SNAP91: variants seen among roughly 807,000 people sequenced by gnomAD.
SNAP91 encodes the protein synaptosome associated protein 91.
Under a neutral mutation model 100.3 loss-of-function variants are expected in SNAP91, and 27 were observed. That is an observed-to-expected ratio of 0.27 (90% confidence interval 0.20 to 0.37). The LOEUF (loss-of-function observed/expected upper bound fraction) is 0.37, where lower values mean the gene tolerates loss of function less well. Ranked by LOEUF, SNAP91 falls within the 10% of genes least tolerant of loss-of-function variation. SNAP91 has a pLI of 1.00. For missense variants in SNAP91, 986 were observed against 1,123.7 expected, an observed-to-expected ratio of 0.88 and a Z score of 1.75; for synonymous variants, 404 against 398.6, an observed-to-expected ratio of 1.01 and a Z score of -0.16.
chr6:83,642,916 T>G (rs541109186), intron 7 of SNAP91, among the ~76,000 whole-genome samples: 1 of 152,374 alleles, frequency 6.6e-6, no homozygotes, highest in African/African-American at 2.4e-5. Flanking sequence ...ATTGTGGTTT[T>G]GATTTGCATT....
chr6:83,561,748 G>A (rs1399476300), intron 26 of SNAP91, among the ~76,000 whole-genome samples: 4 of 152,204 alleles, frequency 2.6e-5, no homozygotes, highest in East Asian at 1.9e-4. Context: ...GCTCATGCCT[G>A]TAATCCCAGC....
chr6:83,591,070 A>G (rs891205349), intron 22 of SNAP91, 141 bp downstream of exon 22: 12 of 609,084 alleles, frequency 2.0e-5, no homozygotes, highest in Non-Finnish European at 3.5e-5. Flanking sequence ...TCAGTTTTTC[A>G]ATACTTGTCC....
intron 2 of SNAP91, among the ~76,000 whole-genome samples, chr6:83,676,137 A>C (rs1271423240): frequency 6.6e-6 from 1 of 151,852 alleles, no homozygotes; most frequent in Non-Finnish European, 1.5e-5. Context: ...AATGTGACAT[A>C]CTTTGTTGAT....
intron 7 of SNAP91, among the ~76,000 whole-genome samples, chr6:83,651,466 T>C (rs2098201245): frequency 6.6e-6 from 1 of 152,200 alleles, no homozygotes; most frequent in Non-Finnish European, 1.5e-5. Flanking sequence ...TAGTTCAAAA[T>C]ATTCTTACAT....
In SNAP91 at chr6:83,585,289, A is replaced by G. The variant is rs998578604; in HGVS notation, c.2015-2933T>C. Among the ~76,000 whole-genome samples, 6 of 152,282 alleles carry G rather than the reference A, an allele frequency of 3.9e-5. No homozygotes were observed. In the East Asian group the frequency reaches 1.2e-3, roughly 29 times the overall value. ...TTGGGGAGGCTGTGGCAGAAGGATC[A>G]CTTGAAGCCAGGAGTTTGAGACCAG... On this transcript the variant is annotated intron_variant, in intron 22 of 29. Transcript: ENST00000369694.
chr6:83,665,794 T>C (rs1394449502), intron 2 of SNAP91, among the ~76,000 whole-genome samples: 2 of 152,122 alleles, frequency 1.3e-5, no homozygotes, highest in Non-Finnish European at 2.9e-5. Context: ...TTCTTGAGTA[T>C]ATTTTGCTAC....
intron 26 of SNAP91, among the ~76,000 whole-genome samples, chr6:83,567,501 G>C (rs529665435): frequency 2.0e-4 from 31 of 152,252 alleles, no homozygotes; most frequent in South Asian, 4.1e-4. Flanking sequence ...ATTGACAAAT[G>C]GGATCAATGA....
At chr6:83,691,025 GC>G (rs2128987420) in intron 2 of SNAP91, among the ~76,000 whole-genome samples, 1 of 152,078 alleles carries the variant, frequency 6.6e-6, no homozygotes, top group Admixed American at 6.5e-5. Context: ...GTAGACATTT[GC>G]CCTTTTCACA....
At chr6:83,567,139 T>C (rs887925382) in intron 26 of SNAP91, among the ~76,000 whole-genome samples, 4 of 152,178 alleles carry the variant, frequency 2.6e-5, no homozygotes, top group African/African-American at 9.7e-5. Context: ...GGCCTCACTA[T>C]GCTGCCCAGG....
intron 16 of SNAP91, among the ~76,000 whole-genome samples, chr6:83,595,955 C>G (rs1250293259): frequency 6.6e-6 from 1 of 152,194 alleles, no homozygotes; most frequent in Non-Finnish European, 1.5e-5. Context: ...TACCAAATCA[C>G]AAATATCCCT....
chr6:83,689,329 T>A (rs2099102802), intron 2 of SNAP91, among the ~76,000 whole-genome samples: 1 of 152,190 alleles, frequency 6.6e-6, no homozygotes. Context: ...CAAACTGTCA[T>A]CCAATTAATC....
At chr6:83,564,831 G>A (rs1290386424) in intron 26 of SNAP91, among the ~76,000 whole-genome samples, 7 of 151,820 alleles carry the variant, frequency 4.6e-5, no homozygotes, top group Non-Finnish European at 1.0e-4. Context: ...AAAATTTCAA[G>A]ACCTATGATT....
chr6:83,641,329 A>G (rs187417087), intron 7 of SNAP91, 127 bp from the exon 8 acceptor site: 8 of 504,278 alleles, frequency 1.6e-5, no homozygotes, highest in Admixed American at 4.2e-5. Flanking sequence ...AGTAAAACTT[A>G]TATGAGGTAT....
chr6:83,620,561 G>C (rs2096672283), intron 9 of SNAP91, among the ~76,000 whole-genome samples: 1 of 151,150 alleles, frequency 6.6e-6, no homozygotes, highest in Non-Finnish European at 1.5e-5. Flanking sequence ...ACTTCCATTA[G>C]ACCTGCCGAG....
At chr6:83,610,391 T>A (rs1275483469) in intron 12 of SNAP91, among the ~76,000 whole-genome samples, 5 of 151,536 alleles carry the variant, frequency 3.3e-5, no homozygotes, top group Non-Finnish European at 7.4e-5. Flanking sequence ...ATATATGAGG[T>A]TCCTAGGGTA....
intron 6 of SNAP91, among the ~76,000 whole-genome samples, chr6:83,657,564 T>C (rs1410688601): frequency 6.6e-6 from 1 of 152,216 alleles, no homozygotes; most frequent in Non-Finnish European, 1.5e-5. Context: ...GGTTTGCTGC[T>C]TTTATGAAAT....
At chr6:83,565,805 A>C (rs1445846064) in intron 26 of SNAP91, among the ~76,000 whole-genome samples, 2 of 152,190 alleles carry the variant, frequency 1.3e-5, no homozygotes, top group Non-Finnish European at 2.9e-5. Flanking sequence ...TAATGAAATG[A>C]AAAATAACAA....
intron 2 of SNAP91, among the ~76,000 whole-genome samples, chr6:83,700,155 C>T (rs2099273062): frequency 6.6e-6 from 1 of 151,850 alleles, no homozygotes; most frequent in Non-Finnish European, 1.5e-5. Context: ...AATTTCTTTT[C>T]GTGGGAAGAA....
intron 22 of SNAP91, among the ~76,000 whole-genome samples, chr6:83,585,853 C>CTTT (rs1045371745): frequency 7.3e-6 from 1 of 137,178 alleles, no homozygotes; most frequent in Non-Finnish European, 1.6e-5. Flanking sequence ...TTTTTTCTTT[C>CTTT]TTTTTTTTTT....
Sources: allele counts gnomAD v4.1 joint callset (sites outside exome capture counted in the v4.1 genomes callset), GRCh38; gene constraint gnomAD v4.1.1; transcripts MANE v1.5; gene names NCBI Gene and HGNC (gene_info 2026-07-23, HGNC 2026-07-21).